Variants in NEGR1 observed in about 807,000 individuals in gnomAD.
NEGR1 encodes the protein IgLON family member 4.
In NEGR1, 10 loss-of-function variants were observed where a neutral mutation model predicts 40.9. The ratio of observed to expected loss-of-function variants is 0.24; its 90% CI spans 0.15 to 0.42. The LOEUF is 0.42. Among genes scored for constraint, NEGR1 ranks in the 10% least tolerant of loss-of-function variants. NEGR1 has a pLI of 1.00. For missense variants in NEGR1, 352 were observed against 438.9 expected (o/e 0.80, Z 1.77); for synonymous variants, 185 against 166.8 (o/e 1.11, Z -0.84).
intron 6 of NEGR1, among the ~76,000 whole-genome samples, chr1:71,538,919 C>G (rs4649939): frequency 0.26 from 38,676 of 151,542 alleles, 6,279 homozygotes; most frequent in East Asian, 0.61. Context: ...AAGCTCCAGA[C>G]TTCATTTTTC....
At chr1:72,164,458 C>T (rs192732009) in intron 1 of NEGR1, among the ~76,000 whole-genome samples, 4 of 152,004 alleles carry the variant, frequency 2.6e-5, no homozygotes, top group African/African-American at 9.6e-5. Context: ...CTTTAATATT[C>T]CCCAAATTTT....
chr1:71,712,084 T>C (rs1570246149), intron 3 of NEGR1, among the ~76,000 whole-genome samples: 1 of 152,320 alleles, frequency 6.6e-6, no homozygotes, highest in East Asian at 1.9e-4. Context: ...AATTGTTCTG[T>C]ATCTTGCTTA....
intron 6 of NEGR1, among the ~76,000 whole-genome samples, chr1:71,490,449 G>T (rs1431739160): frequency 2.6e-5 from 4 of 151,950 alleles, no homozygotes; most frequent in Non-Finnish European, 4.4e-5. Flanking sequence ...ATTGTTCATT[G>T]ATTTGTTTCA....
At chr1:71,531,397 A>C (rs1020386607) in intron 6 of NEGR1, among the ~76,000 whole-genome samples, 1 of 151,344 alleles carries the variant, frequency 6.6e-6, no homozygotes, top group African/African-American at 2.4e-5. Flanking sequence ...ACGTCAACCC[A>C]TCAGGTGACA....
At chr1:71,716,825 C>A (rs1255044421) in intron 3 of NEGR1, among the ~76,000 whole-genome samples, 1 of 152,036 alleles carries the variant, frequency 6.6e-6, no homozygotes, top group Admixed American at 6.6e-5. Flanking sequence ...AAGTGTTTTA[C>A]CTGGACAATA....
At chr1:71,928,517 T>C (rs970729491) in intron 2 of NEGR1, among the ~76,000 whole-genome samples, 1 of 142,850 alleles carries the variant, frequency 7.0e-6, no homozygotes, top group Non-Finnish European at 1.5e-5. Context: ...CATGTGTATA[T>C]ATATACACAC....
intron 3 of NEGR1, among the ~76,000 whole-genome samples, chr1:71,717,012 C>T (rs1462993277): frequency 2.0e-5 from 3 of 152,174 alleles, no homozygotes; most frequent in African/African-American, 7.2e-5. Context: ...AAAGTGCCTG[C>T]AAAAGTACCG....
chr1:71,633,896 C>G (rs1651056677), intron 4 of NEGR1, among the ~76,000 whole-genome samples: 1 of 152,006 alleles, frequency 6.6e-6, no homozygotes, highest in Admixed American at 6.6e-5. Context: ...GTGTCTATGA[C>G]TGGAATATAG....
chr1:72,250,545 C>A (rs1218579763), intron 1 of NEGR1, among the ~76,000 whole-genome samples: 1 of 151,984 alleles, frequency 6.6e-6, no homozygotes, highest in Non-Finnish European at 1.5e-5. Context: ...ATATGAAAAA[C>A]AATTAAGTCA....
At chr1:72,016,537 T>A (rs1646711785) in intron 1 of NEGR1, among the ~76,000 whole-genome samples, 2 of 152,134 alleles carry the variant, frequency 1.3e-5, no homozygotes, top group South Asian at 4.1e-4. Context: ...GTTTTTAAAG[T>A]TTCTGGAATT....
intron 1 of NEGR1, among the ~76,000 whole-genome samples, chr1:72,012,816 T>TACACAC (rs147632951): frequency 6.9e-6 from 1 of 145,474 alleles, no homozygotes; most frequent in East Asian, 2.1e-4. Flanking sequence ...TATATATATA[T>TACACAC]ACACACACAC....
chr1:71,461,374 T>G (rs897354746), intron 6 of NEGR1, among the ~76,000 whole-genome samples: 4 of 152,212 alleles, frequency 2.6e-5, no homozygotes, highest in African/African-American at 7.2e-5. Context: ...TTAGCTAAAT[T>G]AACACCCTGA....
At chr1:72,079,903 G>A (rs1647917210) in intron 1 of NEGR1, among the ~76,000 whole-genome samples, 1 of 151,914 alleles carries the variant, frequency 6.6e-6, no homozygotes, top group South Asian at 2.1e-4. Flanking sequence ...CCAGAAAAAG[G>A]TTTTCACATT....
intron 1 of NEGR1, among the ~76,000 whole-genome samples, chr1:72,158,312 T>C (rs760094318): frequency 1.1e-4 from 17 of 152,192 alleles, no homozygotes; most frequent in Non-Finnish European, 1.5e-4. Flanking sequence ...AGTGACCTAA[T>C]ACAGAAAGTA....
intron 1 of NEGR1, among the ~76,000 whole-genome samples, chr1:72,116,197 T>C (rs1441935804): frequency 1.3e-5 from 2 of 151,706 alleles, no homozygotes; most frequent in African/African-American, 2.4e-5. Flanking sequence ...AGTCATGATA[T>C]AAGACTTTTA....
chr1:71,539,761 TA>T (rs1304234430), intron 6 of NEGR1, among the ~76,000 whole-genome samples: 12 of 151,676 alleles, frequency 7.9e-5, no homozygotes, highest in Admixed American at 7.9e-4. Context: ...CTACTTTGAA[TA>T]AAAAAAATCC....
At chr1:71,980,484 C>A (rs1291249826) in intron 1 of NEGR1, among the ~76,000 whole-genome samples, 1 of 152,062 alleles carries the variant, frequency 6.6e-6, no homozygotes, top group African/African-American at 2.4e-5. Context: ...CTTCTACAGT[C>A]GGTTAAATAT....
chr1:71,520,401 T>C (rs1327699262), intron 6 of NEGR1, among the ~76,000 whole-genome samples: 2 of 152,064 alleles, frequency 1.3e-5, no homozygotes, highest in Non-Finnish European at 2.9e-5. Flanking sequence ...CAAGAATCCA[T>C]TGCTCTTTTC....
At chr1:71,705,736 G>A (rs1163085518) in intron 3 of NEGR1, among the ~76,000 whole-genome samples, 2 of 136,546 alleles carry the variant, frequency 1.5e-5, no homozygotes, top group Non-Finnish European at 3.2e-5. Flanking sequence ...AGAAAGAAAA[G>A]AAAAGAAAGA....
Sources: gnomAD v4.1 joint callset for allele counts (sites outside exome capture counted in the v4.1 genomes callset) on GRCh38, gnomAD v4.1.1 for gene constraint, MANE v1.5 for transcripts, NCBI Gene and HGNC (gene_info 2026-07-23, HGNC 2026-07-21) for gene names.